The following GPR149 variants were observed in gnomAD, a reference collection of about 807,000 sequenced individuals.
The protein encoded by GPR149 is G protein-coupled receptor 149.
GPR149 carries 50 observed loss-of-function variants against 50.2 expected under a neutral mutation model. The ratio of observed to expected loss-of-function variants is 1.00; its 90% confidence interval spans 0.79 to 1.26. The LOEUF (loss-of-function observed/expected upper bound fraction) is 1.26. GPR149 is among the 50% of genes most tolerant of loss of function. The pLI is 0.00. For synonymous variants in GPR149, 405 were observed against 358.2 expected (o/e 1.13, Z -1.48); for missense variants, 983 against 895.4 (o/e 1.10, Z -1.25).
chr3:154,420,973 T>C (rs1712123851), intron 3 of GPR149, 66 bp downstream of exon 3: 5 of 1,145,132 alleles, frequency 4.4e-6, no homozygotes, highest in Admixed American at 2.6e-5. Context: ...CAACTGATAA[T>C]GTTTTTCATG....
Position 154,402,535 on chromosome 3 carries a change from A to T in GPR149, c.1623+18504T>A, listed in dbSNP as rs1303249419. Among the ~76,000 whole-genome samples, 10 of 152,326 alleles carry T rather than the reference A, an allele frequency of 6.6e-5. 1 individual carries two copies. The highest frequency in any genetic ancestry group is 3.3e-4 in the Admixed American group (5 of 15,302). The stretch of plus-strand genomic sequence containing the variant: ...AGTTTCAAAGATCCATGAAAGTTTC[A>T]AAGATCCATGAAAGTTTCTAAGATC... On this transcript the variant is annotated intron_variant, in intron 3 of 3. Coordinates refer to ENST00000389740, the MANE Select transcript of GPR149 (RefSeq NM_001038705.3).
chr3:154,355,259 C>T (rs1714191041), intron 3 of GPR149, among the ~76,000 whole-genome samples: 1 of 152,196 alleles, frequency 6.6e-6, no homozygotes, highest in Non-Finnish European at 1.5e-5. Context: ...AACTCCTGAC[C>T]TCGTGATCCA....
intron 3 of GPR149, among the ~76,000 whole-genome samples, chr3:154,408,496 G>C (rs1274945017): frequency 1.3e-5 from 2 of 152,192 alleles, no homozygotes; most frequent in African/African-American, 2.4e-5. Context: ...CAGTGGGAGT[G>C]AGATGGGCCT....
chr3:154,380,613 A>G (rs73000705), intron 3 of GPR149, among the ~76,000 whole-genome samples: 2,906 of 152,248 alleles, frequency 0.019, 80 homozygotes, highest in African/African-American at 0.067. Flanking sequence ...AGCCCTATAA[A>G]TTATTTCAAG....
At chr3:154,417,557 T>C (rs1364234544) in intron 3 of GPR149, among the ~76,000 whole-genome samples, 1 of 152,068 alleles carries the variant, frequency 6.6e-6, no homozygotes, top group Non-Finnish European at 1.5e-5. Flanking sequence ...ACACCTACTA[T>C]TAAATGTAGT....
At chr3:154,360,659 A>C (rs1246421698) in intron 3 of GPR149, among the ~76,000 whole-genome samples, 1 of 152,222 alleles carries the variant, frequency 6.6e-6, no homozygotes, top group East Asian at 1.9e-4. Flanking sequence ...TGAGTACTTA[A>C]TATGAGGCAG....
At chr3:154,360,624 A>T (rs1289185048) in intron 3 of GPR149, among the ~76,000 whole-genome samples, 10 of 152,212 alleles carry the variant, frequency 6.6e-5, no homozygotes, top group Admixed American at 2.6e-4. Context: ...GTACAATTCA[A>T]TTTATTCATT....
At chr3:154,343,310 A>G (rs1428496919) in intron 3 of GPR149, among the ~76,000 whole-genome samples, 1 of 152,166 alleles carries the variant, frequency 6.6e-6, no homozygotes, top group African/African-American at 2.4e-5. Context: ...GGGAGTGAAT[A>G]GTGGCTTGGC....
chr3:154,363,431 G>A lies in GPR149; in HGVS notation c.1624-25160C>T, dbSNP rs554906839. The stretch of plus-strand genomic sequence containing the variant: ...TAGTGTTTGGTGAGGGGTGCTCTCT[G>A]CTTCTAAGATGCTGTCCCATTGCTG... On this transcript the variant is annotated intron_variant, in intron 3 of 3. Transcript: ENST00000389740. Among the ~76,000 whole-genome samples, 13 of 152,158 alleles carry A rather than the reference G, an allele frequency of 8.5e-5. No homozygotes were observed. The East Asian group carries it at 2.5e-3, about 29-fold the overall frequency.
chr3:154,341,685 T>C (rs1007373359), intron 3 of GPR149, among the ~76,000 whole-genome samples: 24 of 152,238 alleles, frequency 1.6e-4, no homozygotes, highest in South Asian at 4.1e-4. Flanking sequence ...TAATACAATA[T>C]TAATAAAAGT....
chr3:154,369,783 A>G (rs1165444827), intron 3 of GPR149, among the ~76,000 whole-genome samples: 1 of 152,258 alleles, frequency 6.6e-6, no homozygotes, highest in Non-Finnish European at 1.5e-5. Context: ...CCTTTGATCT[A>G]ACATGGAGAG....
At chr3:154,411,853 G>A (rs1050715293) in intron 3 of GPR149, among the ~76,000 whole-genome samples, 2 of 152,098 alleles carry the variant, frequency 1.3e-5, no homozygotes, top group African/African-American at 2.4e-5. Flanking sequence ...ATTCTAGGAA[G>A]CCAGTATCAT....
intron 3 of GPR149, among the ~76,000 whole-genome samples, chr3:154,400,551 A>G (rs1711528448): frequency 6.6e-6 from 1 of 152,170 alleles, no homozygotes; most frequent in African/African-American, 2.4e-5. Context: ...ATTTCTCTAG[A>G]CACTCCTTCC....
intron 3 of GPR149, among the ~76,000 whole-genome samples, chr3:154,387,870 C>A (rs1173964786): frequency 6.6e-6 from 1 of 151,974 alleles, no homozygotes; most frequent in African/African-American, 2.4e-5. Context: ...TATTATTAAA[C>A]AATACACGTC....
At chr3:154,355,121 G>A (rs1490476085) in intron 3 of GPR149, among the ~76,000 whole-genome samples, 1 of 152,128 alleles carries the variant, frequency 6.6e-6, no homozygotes, top group East Asian at 1.9e-4. Flanking sequence ...TCTGCCTCCT[G>A]GGTTCAAGCG....
At chr3:154,420,225 AG>A (rs1376758295) in intron 3 of GPR149, among the ~76,000 whole-genome samples, 1 of 114,006 alleles carries the variant, frequency 8.8e-6, no homozygotes, top group African/African-American at 3.8e-5. Flanking sequence ...TAACTCATGT[AG>A]AAAAAAAGAC....
In GPR149 at chr3:154,421,258, T is replaced by C. The variant is rs148319718; in HGVS notation, c.1404A>G (p.Arg468=). ...TTPSLDSSTQ[R]GINKCTNTDI... ...CAGTATTTGTGCATTTGTTGATGCCTCTTTGTGTGGAGCTGTCCAGAGAGG... is the reference window on the plus strand; with the variant it reads ...CAGTATTTGTGCATTTGTTGATGCCCCTTTGTGTGGAGCTGTCCAGAGAGG... Residue 468 remains arginine (R), a synonymous_variant, in exon 3 of 4, where the codon AGA becomes AGG. Transcript: ENST00000389740. 2 of 1,613,558 alleles carry C rather than the reference T, an allele frequency of 1.2e-6. No homozygotes were observed. Among genetic ancestry groups the C allele is most frequent in the East Asian group, 2.2e-5 (1 of 44,870 alleles).
intron 3 of GPR149, among the ~76,000 whole-genome samples, chr3:154,418,794 A>G (rs1013366886): frequency 2.0e-5 from 3 of 151,888 alleles, no homozygotes; most frequent in Non-Finnish European, 2.9e-5. Flanking sequence ...GTGCACATGT[A>G]CCTTAAAACT....
chr3:154,385,468 G>T (rs1715024738), intron 3 of GPR149, among the ~76,000 whole-genome samples: 1 of 152,138 alleles, frequency 6.6e-6, no homozygotes, highest in African/African-American at 2.4e-5. Context: ...CTTCTGGGGA[G>T]TGAGCAGGGC....
Sources: gnomAD v4.1 joint callset for allele counts (sites outside exome capture counted in the v4.1 genomes callset) on GRCh38, gnomAD v4.1.1 for gene constraint, MANE v1.5 for transcripts, NCBI Gene and HGNC (gene_info 2026-07-23, HGNC 2026-07-21) for gene names.